The following FBXO21 variants were observed in gnomAD, a reference collection of about 807,000 sequenced individuals.
FBXO21 encodes F-box protein 21.
FBXO21 carries 32 observed loss-of-function variants against 76.6 expected under a neutral mutation model. The observed-to-expected ratio is 0.42, with a 90% CI of 0.32 to 0.56. The LOEUF is 0.56. Among genes scored for constraint, FBXO21 ranks in the 20% least tolerant of loss-of-function variants. FBXO21 has a pLI of 0.16. For missense variants in FBXO21, 586 were observed against 797.3 expected, an observed-to-expected ratio of 0.73 and a Z score of 3.19; for synonymous variants, 328 against 311.5, an observed-to-expected ratio of 1.05 and a Z score of -0.56.
At chr12:117,165,788 T>A (rs952935238) in intron 8 of FBXO21, among the ~76,000 whole-genome samples, 171 bp from the exon 9 acceptor site, 5 of 152,032 alleles carry the variant, frequency 3.3e-5, no homozygotes, top group East Asian at 1.9e-4. Context: ...AAAAAAAAAA[T>A]ACACAATAAA....
intron 3 of FBXO21, among the ~76,000 whole-genome samples, chr12:117,183,286 T>C (rs551431019): frequency 8.6e-5 from 13 of 151,906 alleles, no homozygotes; most frequent in Non-Finnish European, 1.6e-4. Flanking sequence ...GTTTCACTCT[T>C]GTCACCCAGG....
At chr12:117,182,689 A>G (rs908002923) in intron 3 of FBXO21, among the ~76,000 whole-genome samples, 1 of 146,456 alleles carries the variant, frequency 6.8e-6, no homozygotes, top group African/African-American at 2.5e-5. Flanking sequence ...CAGCCTCCCG[A>G]GTAGCCGGGA....
At chr12:117,181,610 T>TATCG in intron 3 of FBXO21, among the ~76,000 whole-genome samples, 1 of 145,806 alleles carries the variant, frequency 6.9e-6, no homozygotes, top group South Asian at 2.1e-4. Context: ...TCTATCTATC[T>TATCG]ATCTATCTAT....
intron 5 of FBXO21, 60 bp from the exon 6 acceptor site, chr12:117,174,401 A>G: frequency 6.4e-7 from 1 of 1,571,050 alleles, no homozygotes; most frequent in African/African-American, 1.3e-5. Flanking sequence ...CAGGTGCCCC[A>G]AACAACTCAC....
At chr12:117,159,043 A>G (rs1325350124) in intron 9 of FBXO21, among the ~76,000 whole-genome samples, 1 of 152,136 alleles carries the variant, frequency 6.6e-6, no homozygotes, top group African/African-American at 2.4e-5. Flanking sequence ...TTTACCTCTG[A>G]ATTCCTTTCT....
At chr12:117,179,509 G>A (rs1409618124) in intron 3 of FBXO21, among the ~76,000 whole-genome samples, 5 of 151,896 alleles carry the variant, frequency 3.3e-5, no homozygotes, top group Admixed American at 6.5e-5. Flanking sequence ...TTGACCTGCA[G>A]TTTCCCATCG....
intron 11 of FBXO21, among the ~76,000 whole-genome samples, chr12:117,150,331 T>G (rs1955823237): frequency 6.6e-6 from 1 of 152,186 alleles, no homozygotes; most frequent in Non-Finnish European, 1.5e-5. Flanking sequence ...CCCCAAAATA[T>G]ATGAATAAAT....
intron 3 of FBXO21, among the ~76,000 whole-genome samples, chr12:117,181,190 C>A (rs1956226656): frequency 1.3e-5 from 2 of 152,108 alleles, no homozygotes; most frequent in South Asian, 4.2e-4. Context: ...TCCAGGAGAT[C>A]TCTCAGGAAG....
intron 3 of FBXO21, among the ~76,000 whole-genome samples, chr12:117,182,588 G>A (rs1349693944): frequency 8.6e-5 from 1 of 11,562 alleles, no homozygotes; most frequent in East Asian, 5.0e-3. Flanking sequence ...TTTTTTTTTT[G>A]GACCGAGTCT....
intron 11 of FBXO21, chr12:117,155,502 G>T: frequency 2.2e-6 from 1 of 447,278 alleles, no homozygotes; most frequent in Admixed American, 3.5e-5. Context: ...CCAGGAGGCA[G>T]GACTTACAGG....
chr12:117,186,859 G>A (rs1956288304), intron 2 of FBXO21, among the ~76,000 whole-genome samples: 1 of 152,198 alleles, frequency 6.6e-6, no homozygotes, highest in Non-Finnish European at 1.5e-5. Context: ...GGCCATAGTG[G>A]TTCATGACTG....
At chr12:117,166,190 CAAAA>C (rs34746643) in intron 8 of FBXO21, among the ~76,000 whole-genome samples, 5 of 107,760 alleles carry the variant, frequency 4.6e-5, no homozygotes, top group Non-Finnish European at 2.0e-5. Context: ...AACTATGTCT[CAAAA>C]AAAAAAAAAA....
chr12:117,148,868 C>A (rs1409208513), intron 11 of FBXO21, among the ~76,000 whole-genome samples: 1 of 152,206 alleles, frequency 6.6e-6, no homozygotes, highest in African/African-American at 2.4e-5. Flanking sequence ...CCCACTTTTC[C>A]CCGAAGGAAA....
At chr12:117,190,165 C>T (rs113296780) in intron 1 of FBXO21, 53 bp downstream of exon 1, 1 of 1,057,538 alleles carries the variant, frequency 9.5e-7, no homozygotes, top group Non-Finnish European at 1.2e-6. Flanking sequence ...TGCCCGGCCC[C>T]GGGGGGCGCG....
chr12:117,188,175 G>GA (rs1177044560), intron 2 of FBXO21, among the ~76,000 whole-genome samples: 2 of 152,122 alleles, frequency 1.3e-5, no homozygotes, highest in East Asian at 3.9e-4. Flanking sequence ...AATAAATATC[G>GA]AATAGTTTGT....
intron 9 of FBXO21, among the ~76,000 whole-genome samples, chr12:117,165,207 C>A (rs1348187787): frequency 3.3e-5 from 5 of 152,086 alleles, no homozygotes; most frequent in African/African-American, 1.2e-4. Context: ...GGAAAACGAT[C>A]TGAGGGCCCC....
At position 117,145,812 on chromosome 12, in the gene FBXO21, G is replaced by A; in HGVS notation, c.*275C>T. ...CTGTGAGACCTCATGAAGACAGAAT[G>A]TCACAAACTGTCACCACAGGACAAG... On this transcript the variant is annotated 3_prime_UTR_variant, in exon 12 of 12. Transcript: ENST00000622495. 1 of 286,322 alleles carries A rather than the reference G, an allele frequency of 3.5e-6. No individual in the cohort carries two copies. Among genetic ancestry groups the A allele is most frequent in the Admixed American group, 4.8e-5 (1 of 20,822 alleles). 17.7% of individuals were successfully genotyped at this position (286,322 alleles called of 1,614,324 possible).
Position 117,166,993 on chromosome 12 carries a change from C to T in FBXO21, c.1098G>A (p.Leu366=). ...KQLTVKECEY[L]IGQHVTAALY... is the part of the protein sequence containing the mutation. The stretch of plus-strand genomic sequence containing the variant: ...GTGCTGCAGTCACGTGCTGGCCGAT[C>T]AAGTACTCGCATTCTTTCACTGTCA... The change falls in exon 8 of 12, where the codon TTG becomes TTA. Residue 366 remains leucine, a synonymous_variant. Transcript: ENST00000622495. 3 of 1,614,132 alleles carry T rather than the reference C, an allele frequency of 1.9e-6. No individual in the cohort carries two copies. The highest frequency in any genetic ancestry group is 2.2e-5 in the South Asian group (2 of 91,084).
intron 11 of FBXO21, among the ~76,000 whole-genome samples, chr12:117,152,904 C>T (rs1057001622): frequency 6.6e-6 from 1 of 152,036 alleles, no homozygotes; most frequent in Non-Finnish European, 1.5e-5. Context: ...TTGATGTATT[C>T]TTTTAACTGT....
Sources: allele counts gnomAD v4.1 joint callset (sites outside exome capture counted in the v4.1 genomes callset), GRCh38; gene constraint gnomAD v4.1.1; transcripts MANE v1.5; gene names NCBI Gene and HGNC (gene_info 2026-07-23, HGNC 2026-07-21).